Variants in RABGAP1L observed in about 807,000 individuals in gnomAD.
RABGAP1L encodes the protein rab GTPase-activating protein 1-like.
In RABGAP1L, 63 loss-of-function variants were observed where a neutral mutation model predicts 137.7. That is an observed-to-expected ratio of 0.46 (90% CI 0.37 to 0.56). The LOEUF is 0.56. Ranked by LOEUF, RABGAP1L falls within the 20% of genes least tolerant of loss-of-function variation. The pLI is 0.00. For missense variants in RABGAP1L, 1,095 were observed against 1,244.0 expected, an observed-to-expected ratio of 0.88 and a Z score of 1.80; for synonymous variants, 431 against 433.7, an observed-to-expected ratio of 0.99 and a Z score of 0.08.
At chr1:174,164,089 C>T (rs918756209) in intron 1 of RABGAP1L, among the ~76,000 whole-genome samples, 2 of 151,560 alleles carry the variant, frequency 1.3e-5, no homozygotes, top group Non-Finnish European at 2.9e-5. Context: ...TATGGATTTC[C>T]TCCTCTTACC....
intron 13 of RABGAP1L, among the ~76,000 whole-genome samples, chr1:174,635,862 C>A (rs1434718193): frequency 3.3e-5 from 5 of 152,126 alleles, no homozygotes; most frequent in African/African-American, 1.2e-4. Context: ...TAATCAACCA[C>A]CCCCTTCTTG....
chr1:174,710,402 A>G (rs753258901), intron 17 of RABGAP1L, among the ~76,000 whole-genome samples: 13 of 152,342 alleles, frequency 8.5e-5, no homozygotes, highest in Middle Eastern at 3.4e-3. Context: ...GAAATGAAGG[A>G]AAAAATGTTA....
chr1:174,167,091 C>T (rs1446580172), intron 1 of RABGAP1L, among the ~76,000 whole-genome samples: 1 of 152,146 alleles, frequency 6.6e-6, no homozygotes, highest in Admixed American at 6.6e-5. Context: ...GTGACCTGTT[C>T]CACAATATAG....
chr1:174,686,514 C>G (rs332766), intron 15 of RABGAP1L, among the ~76,000 whole-genome samples: 22,079 of 152,030 alleles, frequency 0.15, 5,365 homozygotes, highest in African/African-American at 0.5. Flanking sequence ...AGGCTGGAGA[C>G]CATACCCAGT....
intron 13 of RABGAP1L, among the ~76,000 whole-genome samples, chr1:174,609,581 C>T (rs1671034345): frequency 6.6e-6 from 1 of 152,096 alleles, no homozygotes; most frequent in African/African-American, 2.4e-5. Context: ...GCACTATAAT[C>T]CAGAGGTACA....
rs1402732588 is a variant in RABGAP1L, at chr1:174,234,277, C to T, written c.542+2922C>T. ...CAGAAGCTCTTTAGTTTAATTAGAT[C>T]CCATTTGTCAATTTTGTCTTTTGTT... On this transcript the variant is annotated intron_variant, in intron 4 of 25. Transcript: ENST00000681986. Among the ~76,000 whole-genome samples the T allele has an allele frequency of 1.3e-3, 150 of 117,064 alleles. 11 individuals carry two copies. Among genetic ancestry groups the T allele is most frequent in the African/African-American group, 6.6e-3 (143 of 21,544 alleles). 76.8% of individuals were successfully genotyped at this position (117,064 alleles called of 152,430 possible).
intron 19 of RABGAP1L, chr1:174,877,373 T>G: frequency 8.1e-7 from 1 of 1,239,186 alleles, no homozygotes; most frequent in Non-Finnish European, 1.1e-6. Context: ...TTTTTGACAC[T>G]CCACCCCCTC....
At chr1:174,830,525 G>A (rs1361405808) in intron 19 of RABGAP1L, among the ~76,000 whole-genome samples, 1 of 146,006 alleles carries the variant, frequency 6.8e-6, no homozygotes, top group Non-Finnish European at 1.5e-5. Context: ...CTCCCAGGCT[G>A]GAGTGCAGTG....
intron 13 of RABGAP1L, among the ~76,000 whole-genome samples, chr1:174,543,514 A>T (rs889395178): frequency 1.3e-5 from 2 of 152,100 alleles, no homozygotes; most frequent in African/African-American, 4.8e-5. Flanking sequence ...GGTTTCCTGA[A>T]TACAGCACAC....
At chr1:174,689,304 G>T (rs1364245429) in intron 15 of RABGAP1L, among the ~76,000 whole-genome samples, 1 of 151,630 alleles carries the variant, frequency 6.6e-6, no homozygotes, top group Non-Finnish European at 1.5e-5. Flanking sequence ...ACAAGATAAA[G>T]GCTTCATTTT....
At position 174,954,652 on chromosome 1, in the gene RABGAP1L, C is replaced by T. The variant is rs572019788; in HGVS notation, c.2341-2805C>T. Among the ~76,000 whole-genome samples, 28 of 152,298 alleles carry T rather than the reference C, an allele frequency of 1.8e-4. 2 individuals carry two copies. The South Asian group carries it at 5.4e-3, about 29-fold the overall frequency. ...TTTTAGAACCATGTAGAAAATACTT[C>T]CACATGGAACTAATTCTCAGCCTGG... On this transcript the variant is annotated intron_variant, in intron 19 of 25. Transcript: ENST00000681986.
intron 12 of RABGAP1L, among the ~76,000 whole-genome samples, chr1:174,381,223 T>G (rs1390207008): frequency 6.8e-6 from 1 of 146,998 alleles, no homozygotes; most frequent in Non-Finnish European, 1.5e-5. Flanking sequence ...GTGGTCAATT[T>G]TGGAATAGGT....
At chr1:174,891,663 G>A (rs1414185662) in intron 19 of RABGAP1L, among the ~76,000 whole-genome samples, 1 of 151,978 alleles carries the variant, frequency 6.6e-6, no homozygotes, top group Non-Finnish European at 1.5e-5. Flanking sequence ...CACCATGCCT[G>A]GCTAATTTTT....
At chr1:174,569,398 C>T (rs762670853) in intron 13 of RABGAP1L, among the ~76,000 whole-genome samples, 8 of 152,100 alleles carry the variant, frequency 5.3e-5, no homozygotes, top group Non-Finnish European at 1.0e-4. Context: ...CAGGGCTGCA[C>T]GGTAGAATGG....
chr1:174,608,131 T>C (rs932355416), intron 13 of RABGAP1L, among the ~76,000 whole-genome samples: 3 of 152,076 alleles, frequency 2.0e-5, no homozygotes, highest in Non-Finnish European at 4.4e-5. Flanking sequence ...CAAAGAAAAA[T>C]TTGCCCCATC....
intron 1 of RABGAP1L, among the ~76,000 whole-genome samples, chr1:174,197,053 T>A (rs960928393): frequency 3.3e-5 from 5 of 152,220 alleles, no homozygotes; most frequent in African/African-American, 1.2e-4. Context: ...GGGATTCATA[T>A]TATCATAAAA....
At position 174,815,170 on chromosome 1, in the gene RABGAP1L, C is replaced by T. The variant is rs181249419; in HGVS notation, c.2340+3210C>T. 4.6e-5 allele frequency among the ~76,000 whole-genome samples: 7 copies of T among 152,322 alleles called. No homozygotes were observed. The East Asian group carries it at 1.4e-3, about 29-fold the overall frequency. ...GTTCCCCACTCTGATCTGCCACAAC[C>T]CATGAGAGGCTGTAGATGACGAGGT... On this transcript the variant is annotated intron_variant, in intron 19 of 25. Coordinates refer to ENST00000681986, the MANE Select transcript of RABGAP1L (RefSeq NM_001366446.1).
At chr1:174,778,226 A>G (rs1336894121) in intron 18 of RABGAP1L, among the ~76,000 whole-genome samples, 2 of 152,250 alleles carry the variant, frequency 1.3e-5, no homozygotes, top group Non-Finnish European at 2.9e-5. Context: ...ATTTCTCCTT[A>G]GAAACAGTGC....
chr1:174,245,525 T>C, intron 5 of RABGAP1L: 1 of 152,222 alleles, frequency 6.6e-6, no homozygotes, highest in East Asian at 1.9e-4. Flanking sequence ...TGCCTCTTAT[T>C]TTAGCTCCTT....
Sources: gnomAD v4.1 joint callset for allele counts (sites outside exome capture counted in the v4.1 genomes callset) on GRCh38, gnomAD v4.1.1 for gene constraint, MANE v1.5 for transcripts, NCBI Gene and HGNC (gene_info 2026-07-23, HGNC 2026-07-21) for gene names.